CARD10: variants seen among roughly 807,000 people sequenced by gnomAD.
CARD10 encodes caspase recruitment domain-containing protein 10.
In CARD10, 49 loss-of-function variants were observed where a neutral mutation model predicts 114.6. The observed-to-expected ratio is 0.43, with a 90% CI of 0.34 to 0.54. CARD10 has a LOEUF of 0.54. CARD10 is among the 20% of genes least tolerant of loss of function. CARD10 has a pLI of 0.03. For missense variants in CARD10, 1,206 were observed against 1,397.2 expected (o/e 0.86, Z 2.18); for synonymous variants, 602 against 593.2 (o/e 1.01, Z -0.21).
At position 37,516,041 on chromosome 22, in the gene CARD10, T is replaced by C. The variant is rs1160459381; in HGVS notation, c.631A>G (p.Met211Val). ...RLKDENYMIA[M>V]RLAQLSEEKN... Reference sequence around the variant, plus strand: ...TCCTCACTGAGCTGTGCCAGGCGCATGGCGATCATGTAGTTCTCATCCTTG... The same window carrying C: ...TCCTCACTGAGCTGTGCCAGGCGCACGGCGATCATGTAGTTCTCATCCTTG... Residue 211 changes from methionine (M) to valine (V), a missense_variant, in exon 3 of 20, where the codon ATG (methionine) becomes GTG (valine). Transcript: ENST00000251973. 1.9e-6 allele frequency: 3 copies of C among 1,602,662 alleles called. No individual in the cohort carries two copies. The highest frequency in any genetic ancestry group is 2.7e-5 in the African/African-American group (2 of 74,740).
In CARD10 at chr22:37,491,311, G is replaced by A; in HGVS notation, c.2947C>T (p.Pro983Ser). 1 of 1,563,452 alleles carries A rather than the reference G, an allele frequency of 6.4e-7. No homozygotes were observed. Reference sequence around the variant, plus strand: ...GCGGGCACCTGCACCCAGGAGCAGGGCAGCCCCCAGAGCACCTGCTCTGAG... The same window carrying A: ...GCGGGCACCTGCACCCAGGAGCAGGACAGCCCCCAGAGCACCTGCTCTGAG... ...RGSEQVLWGL[P>S]CSWVQVPAHE... Residue 983 changes from proline to serine, a missense_variant, in exon 20 of 20, where the codon CCC becomes TCC. Pro to Ser is a moderately conservative substitution (Grantham distance 74, BLOSUM62 -1). Coordinates refer to ENST00000251973, the MANE Select transcript of CARD10 (RefSeq NM_014550.4).
At position 37,510,299 on chromosome 22, in the gene CARD10, TG is replaced by T; in HGVS notation, c.821del (p.Pro274GlnfsTer17). The T allele has an allele frequency of 6.3e-7, 1 of 1,584,160 alleles. No homozygotes were observed. Among genetic ancestry groups the T allele is most frequent in the Non-Finnish European group, 8.6e-7 (1 of 1,165,454 alleles). The stretch of plus-strand genomic sequence containing the variant: ...GCTCAGAGACAAGGTCCACATTGTC[TG>T]GCTCCTTCTCCTTCTCCTTCTCCTT... ...KEKEKEKEKE[P>X]DNVDLVSELR... On this transcript the variant is annotated frameshift_variant, in exon 4 of 20. Transcript: ENST00000251973. LOFTEE classifies it high-confidence loss of function.
chr22:37,503,041 T>C, intron 10 of CARD10, 144 bp downstream of exon 10: 2 of 938,772 alleles, frequency 2.1e-6, no homozygotes, highest in Non-Finnish European at 3.3e-6. Context: ...AAGCACAACC[T>C]TCCTGCCTGG....
At chr22:37,512,460 C>CG (rs1923687866) in intron 3 of CARD10, among the ~76,000 whole-genome samples, 1 of 130,054 alleles carries the variant, frequency 7.7e-6, no homozygotes. Context: ...ATGGCAGCCC[C>CG]CCCTCCACAC....
At chr22:37,500,537 G>A (rs1923176669) in intron 11 of CARD10, among the ~76,000 whole-genome samples, 1 of 152,112 alleles carries the variant, frequency 6.6e-6, no homozygotes, top group Non-Finnish European at 1.5e-5. Flanking sequence ...CAGGAGCTGA[G>A]AAGGGCAGGG....
chr22:37,500,377 C>T (rs140880235), intron 11 of CARD10, among the ~76,000 whole-genome samples: 157 of 152,306 alleles, frequency 1.0e-3, no homozygotes, highest in African/African-American at 3.3e-3. Context: ...CGAAACCCTC[C>T]AGTGCTCTCC....
At position 37,492,726 on chromosome 22, in the gene CARD10, C is replaced by T; in HGVS notation, c.2553G>A (p.Leu851=). 6.2e-7 allele frequency: 1 copy of T among 1,613,048 alleles called. No homozygotes were observed. The highest frequency in any genetic ancestry group is 8.5e-7 in the Non-Finnish European group (1 of 1,179,944). ...LVSALRPVVL[L]PECLAPRLIR... Reference sequence around the variant, plus strand: ...TGAGCCGGGGCGCCAGGCACTCAGGCAACAGCACCACGGGCCGCAGGGCAG... The same window carrying T: ...TGAGCCGGGGCGCCAGGCACTCAGGTAACAGCACCACGGGCCGCAGGGCAG... Residue 851 remains leucine (L), a synonymous_variant, in exon 17 of 20, where the codon TTG becomes TTA. Coordinates refer to ENST00000251973, the MANE Select transcript of CARD10 (RefSeq NM_014550.4). The surrounding 1 kb of genome is among the most constrained non-coding windows in gnomAD (Gnocchi z 5.7).
intron 11 of CARD10, among the ~76,000 whole-genome samples, chr22:37,499,949 C>A (rs1163524783): frequency 2.0e-5 from 3 of 152,214 alleles, no homozygotes; most frequent in Non-Finnish European, 4.4e-5. Context: ...CAGCTCCCAG[C>A]CCCCTCCCCA....
chr22:37,509,286 A>C, intron 4 of CARD10: 2 of 627,502 alleles, frequency 3.2e-6, no homozygotes, highest in East Asian at 2.9e-5. Flanking sequence ...CCCCCAGGCC[A>C]CACCCTCTAC....
rs971507281 is a variant in CARD10 at position 37,492,049 on chromosome 22, G to A, written c.2752-182C>T. 6.6e-6 allele frequency among the ~76,000 whole-genome samples: 1 copy of A among 151,884 alleles called. No individual in the cohort carries two copies. The highest frequency in any genetic ancestry group is 2.4e-5 in the African/African-American group (1 of 41,326). On this transcript the variant is annotated intron_variant, in intron 18 of 19. Transcript: ENST00000251973. The surrounding 1 kb of genome is among the most constrained non-coding windows in gnomAD (Gnocchi z 5.7). Reference sequence around the variant, plus strand: ...ACAGACAAGAGGCCTGGGCTCATGGGGCAACCTGGAGATACAGACCTCCCC... The same window carrying A: ...ACAGACAAGAGGCCTGGGCTCATGGAGCAACCTGGAGATACAGACCTCCCC...
At chr22:37,509,679 T>A (rs1224837735) in intron 4 of CARD10, among the ~76,000 whole-genome samples, 43 of 139,064 alleles carry the variant, frequency 3.1e-4, no homozygotes, top group Non-Finnish European at 1.5e-5. Flanking sequence ...TGGTACCTGC[T>A]GCAGGCCCTC....
Position 37,496,482 on chromosome 22 carries a change from CCT to C in CARD10, c.2024_2025del (p.Gln675ArgfsTer42), listed in dbSNP as rs768665045. On this transcript the variant is annotated frameshift_variant, in exon 13 of 20. Coordinates refer to ENST00000251973, the MANE Select transcript of CARD10 (RefSeq NM_014550.4). LOFTEE classifies it high-confidence loss of function. The surrounding 1 kb of genome is among the most constrained non-coding windows in gnomAD (Gnocchi z 4.1). ...TCCATCAGGGAGGGGAGTGTGGACCCCTGATTCCAGAGCAAGGTTCTCTGCTG... is the reference window on the plus strand; with the variant it reads ...TCCATCAGGGAGGGGAGTGTGGACCCGATTCCAGAGCAAGGTTCTCTGCTG... Reference protein sequence around the residue: ...EAQQRTLLWNQGSTLPSLMDS... With the variant: ...EAQQRTLLWNXGSTLPSLMDS... 3.1e-6 allele frequency: 5 copies of C among 1,613,684 alleles called. No individual in the cohort carries two copies. The highest frequency in any genetic ancestry group is 1.7e-5 in the Admixed American group (1 of 59,962).
chr22:37,495,018 A>G (rs1299459763), intron 15 of CARD10, among the ~76,000 whole-genome samples: 2 of 151,622 alleles, frequency 1.3e-5, no homozygotes, highest in East Asian at 3.9e-4. Flanking sequence ...GCTGGAGTGC[A>G]GTGGCGCGAT....
At chr22:37,509,589 C>T (rs1197105800) in intron 4 of CARD10, among the ~76,000 whole-genome samples, 1 of 148,100 alleles carries the variant, frequency 6.8e-6, no homozygotes, top group African/African-American at 2.5e-5. Flanking sequence ...ACCCCCACTC[C>T]ATGTCCACGA....
At position 37,517,853 on chromosome 22, in the gene CARD10, T is replaced by C. The variant is rs578083657; in HGVS notation, c.373+118A>G. ...TGGGCAAGCCCCTTCAGCCTCTCCA[T>C]GCCTCAGTTTCCCTTACTGTTCAAC... On this transcript the variant is annotated intron_variant, in intron 2 of 19. Coordinates refer to ENST00000251973, the MANE Select transcript of CARD10 (RefSeq NM_014550.4). The C allele has an allele frequency of 1.2e-5, 16 of 1,336,032 alleles. No individual in the cohort carries two copies. In the African/African-American group the frequency reaches 1.3e-4, roughly 11 times the overall value. The allele number at this position is 1,336,032 out of a possible 1,614,324, so 82.8% of individuals were successfully genotyped here. A position where few individuals can be genotyped will look rare whatever the true frequency, so the allele number is the denominator to read the frequency against.
At position 37,501,474 on chromosome 22, in the gene CARD10, A is replaced by C. The variant is rs955415393; in HGVS notation, c.1787+1128T>G. ...CTCGCTGAGCCCACTGCCGGGGGCC[A>C]GGTGGGGGCAGGGCCTGGACACTGG... is the stretch of plus-strand genomic sequence containing the variant. On this transcript the variant is annotated intron_variant, in intron 11 of 19. Coordinates refer to ENST00000251973, the MANE Select transcript of CARD10 (RefSeq NM_014550.4). The surrounding 1 kb of genome is among the most constrained non-coding windows in gnomAD (Gnocchi z 5.4). Among the ~76,000 whole-genome samples, 3 of 152,166 alleles carry C rather than the reference A, an allele frequency of 2.0e-5. No individual in the cohort carries two copies. The highest frequency in any genetic ancestry group is 4.4e-5 in the Non-Finnish European group (3 of 68,012).
intron 15 of CARD10, 48 bp downstream of exon 15, chr22:37,495,469 A>ACCCCACCCTTGGGGCC: frequency 6.7e-7 from 1 of 1,499,332 alleles, no homozygotes; most frequent in Non-Finnish European, 9.1e-7. Context: ...TCCCTTTTGG[A>ACCCCACCCTTGGGGCC]CCCCACCCTT....
At chr22:37,518,153 T>A in intron 1 of CARD10, 45 bp from the exon 2 acceptor site, 1 of 1,590,478 alleles carries the variant, frequency 6.3e-7, no homozygotes, top group Non-Finnish European at 8.6e-7. Flanking sequence ...GGGGAAGGCC[T>A]CCCCAGGTGC....
At chr22:37,514,146 G>A (rs530059106) in intron 3 of CARD10, among the ~76,000 whole-genome samples, 1 of 151,658 alleles carries the variant, frequency 6.6e-6, no homozygotes, top group South Asian at 2.1e-4. Flanking sequence ...AGGACATTGG[G>A]AAAGTGCTCT....
Sources: gnomAD v4.1 joint callset for allele counts (sites outside exome capture counted in the v4.1 genomes callset) on GRCh38, gnomAD v4.1.1 for gene constraint, Gnocchi (gnomAD v3.1) non-coding constraint, MANE v1.5 for transcripts, NCBI Gene and HGNC (gene_info 2026-07-23, HGNC 2026-07-21) for gene names.